PCSK6: variants seen among roughly 807,000 people sequenced by gnomAD.
PCSK6 encodes the protein proprotein convertase subtilisin/kexin type 6, also known as paired basic amino acid cleaving enzyme 4.
PCSK6 carries 85 observed loss-of-function variants against 123.3 expected under a neutral mutation model. The observed-to-expected ratio is 0.69, with a 90% CI of 0.58 to 0.83. The LOEUF is 0.83. Among genes scored for constraint, PCSK6 ranks in the 40% least tolerant of loss-of-function variants. The pLI, the probability that PCSK6 is intolerant of heterozygous loss-of-function variation, is 0.00. For synonymous variants in PCSK6, 508 were observed against 516.0 expected (o/e 0.98, Z 0.21); for missense variants, 1,191 against 1,282.3 (o/e 0.93, Z 1.09).
intron 1 of PCSK6, among the ~76,000 whole-genome samples, chr15:101,481,701 C>T (rs2057889847): frequency 1.3e-5 from 2 of 152,144 alleles, no homozygotes; most frequent in South Asian, 4.1e-4. Flanking sequence ...CTCTAGGCCT[C>T]CAGCTCTGCC....
At chr15:101,444,653 C>G (rs2056840539) in intron 1 of PCSK6, among the ~76,000 whole-genome samples, 1 of 152,126 alleles carries the variant, frequency 6.6e-6, no homozygotes, top group Non-Finnish European at 1.5e-5. Context: ...AGCCATGTGA[C>G]CTTGGACAAG....
In PCSK6 at chr15:101,462,703, T is replaced by C. The variant is rs139856695; in HGVS notation, c.298-19043A>G. 3.9e-3 allele frequency among the ~76,000 whole-genome samples: 588 copies of C among 152,312 alleles called. 3 individuals are homozygous for C. The highest frequency in any genetic ancestry group is 0.013 in the African/African-American group (557 of 41,560). ...TGCTGGGAAAAGGTGGTTATTCATA[T>C]GAGAAAAAAATAAAATAAAATCCCT... On this transcript the variant is annotated intron_variant, in intron 1 of 21. Coordinates refer to ENST00000611716, the MANE Select transcript of PCSK6 (RefSeq NM_002570.5).
At chr15:101,389,047 GC>G (rs2042152016) in intron 9 of PCSK6, among the ~76,000 whole-genome samples, 1 of 152,146 alleles carries the variant, frequency 6.6e-6, no homozygotes, top group African/African-American at 2.4e-5. Context: ...ATTAGGGTGG[GC>G]CCTAATCCAA....
At chr15:101,463,848 C>G (rs376397303) in intron 1 of PCSK6, among the ~76,000 whole-genome samples, 1 of 152,010 alleles carries the variant, frequency 6.6e-6, no homozygotes, top group East Asian at 1.9e-4. Context: ...TTCCTATGTC[C>G]TTAGAGAGCA....
intron 1 of PCSK6, among the ~76,000 whole-genome samples, chr15:101,445,391 G>A (rs2141158555): frequency 6.6e-6 from 1 of 152,304 alleles, no homozygotes; most frequent in African/African-American, 2.4e-5. Context: ...ATATTTACGT[G>A]TGAAAGAGCT....
chr15:101,479,455 T>G (rs1349738195), intron 1 of PCSK6, among the ~76,000 whole-genome samples: 2 of 152,078 alleles, frequency 1.3e-5, no homozygotes, highest in Non-Finnish European at 2.9e-5. Flanking sequence ...GGGAAGCCAG[T>G]GAGGCAGTCA....
chr15:101,461,280 C>T (rs2057335493), intron 1 of PCSK6, among the ~76,000 whole-genome samples: 2 of 152,104 alleles, frequency 1.3e-5, no homozygotes, highest in Non-Finnish European at 2.9e-5. Context: ...TAAAAAATTC[C>T]TAGAAAATTG....
intron 13 of PCSK6, chr15:101,364,758 T>A (rs898064182): frequency 2.2e-6 from 1 of 454,442 alleles, no homozygotes; most frequent in Non-Finnish European, 3.9e-6. Context: ...ATATCCAATC[T>A]CTACCAGAAT....
At chr15:101,400,292 T>C (rs2042549795) in intron 6 of PCSK6, among the ~76,000 whole-genome samples, 1 of 152,222 alleles carries the variant, frequency 6.6e-6, no homozygotes, top group Admixed American at 6.5e-5. Flanking sequence ...CCCTGTGCCA[T>C]TAAAGACTCT....
At chr15:101,399,727 A>C (rs931677405) in intron 6 of PCSK6, among the ~76,000 whole-genome samples, 9 of 152,232 alleles carry the variant, frequency 5.9e-5, no homozygotes, top group Admixed American at 5.2e-4. Context: ...ATTCTAGTAG[A>C]TACAGAAAGT....
At chr15:101,386,937 T>C (rs1178009777) in intron 9 of PCSK6, among the ~76,000 whole-genome samples, 1 of 152,138 alleles carries the variant, frequency 6.6e-6, no homozygotes, top group Non-Finnish European at 1.5e-5. Context: ...CTCTGCACAC[T>C]CCCACCCTCG....
chr15:101,456,652 C>T (rs528677832), intron 1 of PCSK6, among the ~76,000 whole-genome samples: 7 of 152,322 alleles, frequency 4.6e-5, no homozygotes, highest in South Asian at 2.1e-4. Flanking sequence ...TAACAAGGAA[C>T]GGCAATCTGC....
intron 13 of PCSK6, among the ~76,000 whole-genome samples, chr15:101,358,677 T>C (rs1398029623): frequency 1.3e-5 from 2 of 152,230 alleles, no homozygotes; most frequent in African/African-American, 4.8e-5. Flanking sequence ...AGAGGTACCA[T>C]TCATCTGGAG....
intron 1 of PCSK6, among the ~76,000 whole-genome samples, chr15:101,459,140 C>T (rs973036174): frequency 1.3e-5 from 2 of 152,148 alleles, no homozygotes; most frequent in Admixed American, 6.5e-5. Flanking sequence ...TTGGGAATCC[C>T]TATTATATAC....
chr15:101,426,970 G>A (rs1027734919), intron 6 of PCSK6, among the ~76,000 whole-genome samples: 1 of 152,200 alleles, frequency 6.6e-6, no homozygotes, highest in Non-Finnish European at 1.5e-5. Flanking sequence ...GGGTGAGGCC[G>A]CAGTCCCTGG....
intron 1 of PCSK6, among the ~76,000 whole-genome samples, chr15:101,449,373 C>T (rs906183269): frequency 6.6e-6 from 1 of 151,110 alleles, no homozygotes; most frequent in African/African-American, 2.4e-5. Context: ...AGATGTGGAA[C>T]CCGTGGATAA....
chr15:101,436,329 T>C (rs555019879), intron 2 of PCSK6, among the ~76,000 whole-genome samples: 1 of 152,316 alleles, frequency 6.6e-6, no homozygotes, highest in African/African-American at 2.4e-5. Context: ...GGAGTCAAGC[T>C]GCTGAGGTTC....
In PCSK6 at chr15:101,360,660, G is replaced by A. The variant is rs4405534; in HGVS notation, c.1858+5536C>T. Among the ~76,000 whole-genome samples, 239 of 97,530 alleles carry A rather than the reference G, an allele frequency of 2.5e-3. 2 individuals carry two copies. Among genetic ancestry groups the A allele is most frequent in the African/African-American group, 8.8e-3 (197 of 22,276 alleles). The allele number at this position is 97,530 out of a possible 152,430, so 64.0% of individuals were successfully genotyped here. A position where few individuals can be genotyped will look rare whatever the true frequency, so the allele number is the denominator to read the frequency against. On this transcript the variant is annotated intron_variant, in intron 13 of 21. Transcript: ENST00000611716. ...CTTAGCATCCCCTGGAACACACCAG[G>A]CACACTCCTGCCCGGGGGCCTTAGC...
At chr15:101,394,282 G>A (rs574150643) in intron 7 of PCSK6, among the ~76,000 whole-genome samples, 4 of 151,936 alleles carry the variant, frequency 2.6e-5, no homozygotes, top group South Asian at 2.1e-4. Flanking sequence ...GCTGTGCACC[G>A]GTGTTCATTG....
Sources: gnomAD v4.1 joint callset for allele counts (sites outside exome capture counted in the v4.1 genomes callset) on GRCh38, gnomAD v4.1.1 for gene constraint, MANE v1.5 for transcripts, NCBI Gene and HGNC (gene_info 2026-07-23, HGNC 2026-07-21) for gene names.